The following PTPRD variants were observed in gnomAD, a reference collection of about 807,000 sequenced individuals.
The protein encoded by PTPRD is protein tyrosine phosphatase receptor type D.
PTPRD carries 34 observed loss-of-function variants against 214.5 expected under a neutral mutation model. That is an observed-to-expected ratio of 0.16 (90% CI 0.12 to 0.21). The LOEUF is 0.21. Among genes scored for constraint, PTPRD ranks in the 10% least tolerant of loss-of-function variants. The pLI is 1.00. For missense variants in PTPRD, 2,545 were observed against 2,398.7 expected (o/e 1.06, Z -1.27); for synonymous variants, 1,128 against 845.7 (o/e 1.33, Z -5.79).
Position 8,449,822 on chromosome 9 carries a change from G to T in PTPRD, c.3891C>A (p.Ser1297=). 1 of 1,613,726 alleles carries T rather than the reference G, an allele frequency of 6.2e-7. No individual in the cohort carries two copies. Among genetic ancestry groups the T allele is most frequent in the Non-Finnish European group, 8.5e-7 (1 of 1,179,838 alleles). The part of the protein sequence containing the change: ...ILLYKRKRAE[S]DSRKSSIPNN... Reference sequence around the variant, plus strand: ...TCGGTATGCTGCTTTTTCTAGAGTCGGACTCTGCCCTCTTCCTATAGGGGG... The same window carrying T: ...TCGGTATGCTGCTTTTTCTAGAGTCTGACTCTGCCCTCTTCCTATAGGGGG... The change falls in exon 34 of 46, where the codon TCC becomes TCA. Residue 1297 remains serine, a synonymous_variant. Coordinates refer to ENST00000381196, the MANE Select transcript of PTPRD (RefSeq NM_002839.4).
intron 3 of PTPRD, among the ~76,000 whole-genome samples, chr9:10,216,727 A>C (rs1215282055): frequency 6.6e-6 from 1 of 152,070 alleles, no homozygotes; most frequent in East Asian, 1.9e-4. Context: ...TTGGAAGTAT[A>C]CGGAATAAAT....
chr9:8,601,101 G>T (rs1278123683), intron 14 of PTPRD, among the ~76,000 whole-genome samples: 2 of 152,118 alleles, frequency 1.3e-5, no homozygotes, highest in Non-Finnish European at 2.9e-5. Flanking sequence ...ACTGGCAGGA[G>T]CTTGGCAGTA....
intron 9 of PTPRD, among the ~76,000 whole-genome samples, chr9:9,358,609 G>T (rs1200258312): frequency 6.6e-6 from 1 of 151,154 alleles, no homozygotes. Context: ...AGTCATAAAA[G>T]AACTGATTGG....
intron 3 of PTPRD, among the ~76,000 whole-genome samples, chr9:10,316,693 C>T (rs1242502837): frequency 1.3e-5 from 2 of 151,868 alleles, no homozygotes; most frequent in African/African-American, 4.8e-5. Context: ...CATATCCATA[C>T]ATTTTTCCAC....
At chr9:10,057,141 T>C (rs1021720944) in intron 3 of PTPRD, among the ~76,000 whole-genome samples, 2 of 152,286 alleles carry the variant, frequency 1.3e-5, no homozygotes, top group East Asian at 3.9e-4. Flanking sequence ...GGATTTAATT[T>C]ATCATTTCTG....
chr9:8,842,574 G>C (rs1566541090), intron 11 of PTPRD, among the ~76,000 whole-genome samples: 1 of 152,078 alleles, frequency 6.6e-6, no homozygotes, highest in Non-Finnish European at 1.5e-5. Flanking sequence ...GGAGACTGTG[G>C]AGAGGTAGGG....
rs557683547 is a variant in PTPRD, at chr9:8,474,305, T to A, written c.3414-3220A>T. Among the ~76,000 whole-genome samples, 155 of 152,240 alleles carry A rather than the reference T, an allele frequency of 1.0e-3. 2 individuals are homozygous for A. The highest frequency in any genetic ancestry group is 3.5e-3 in the African/African-American group (145 of 41,542). ...GCATCTCCTTTCTCTCAGGGAAGAT[T>A]CTTTTGCGGGGTTCATGGCCTTCTT... On this transcript the variant is annotated intron_variant, in intron 30 of 45. Transcript: ENST00000381196.
At chr9:9,413,359 C>G (rs2076099074) in intron 8 of PTPRD, among the ~76,000 whole-genome samples, 1 of 151,448 alleles carries the variant, frequency 6.6e-6, no homozygotes. Context: ...CATGATCCAC[C>G]CGCCTCGGCC....
At chr9:8,385,085 G>C (rs1356309431) in intron 37 of PTPRD, among the ~76,000 whole-genome samples, 1 of 152,192 alleles carries the variant, frequency 6.6e-6, no homozygotes, top group Non-Finnish European at 1.5e-5. Flanking sequence ...CAAACACTAA[G>C]AATGATCAGT....
At chr9:8,936,539 C>G (rs1216444708) in intron 11 of PTPRD, among the ~76,000 whole-genome samples, 1 of 150,244 alleles carries the variant, frequency 6.7e-6, no homozygotes, top group Non-Finnish European at 1.5e-5. Context: ...TATGCAGCAA[C>G]TATAATTGGT....
At chr9:8,449,614 G>A (rs2095859218) in intron 34 of PTPRD, 111 bp downstream of exon 34, 1 of 988,544 alleles carries the variant, frequency 1.0e-6, no homozygotes. Context: ...TAAAAGAGCA[G>A]GATGAACAAA....
chr9:10,003,504 A>C (rs2096387015), intron 4 of PTPRD, among the ~76,000 whole-genome samples: 1 of 151,814 alleles, frequency 6.6e-6, no homozygotes, highest in Non-Finnish European at 1.5e-5. Flanking sequence ...ATTAGATTAA[A>C]AAGGGCCGAG....
At chr9:10,248,062 A>G (rs2092364827) in intron 3 of PTPRD, among the ~76,000 whole-genome samples, 1 of 152,058 alleles carries the variant, frequency 6.6e-6, no homozygotes, top group South Asian at 2.1e-4. Flanking sequence ...TGCCATGTGA[A>G]ATGTGCCTTT....
chr9:8,929,764 T>A (rs1314802433), intron 11 of PTPRD, among the ~76,000 whole-genome samples: 1 of 62,640 alleles, frequency 1.6e-5, no homozygotes, highest in East Asian at 1.3e-3. Context: ...TATGTATATA[T>A]ATGTGTATAT....
intron 12 of PTPRD, among the ~76,000 whole-genome samples, chr9:8,664,794 T>C (rs1224157435): frequency 6.6e-6 from 1 of 152,240 alleles, no homozygotes; most frequent in Non-Finnish European, 1.5e-5. Flanking sequence ...AAATAAATTT[T>C]TCAGTTTTTC....
chr9:9,996,825 G>C (rs543586882), intron 4 of PTPRD, among the ~76,000 whole-genome samples: 18 of 152,176 alleles, frequency 1.2e-4, no homozygotes, highest in Middle Eastern at 6.8e-3. Flanking sequence ...ATATTAAGAA[G>C]AACAACAAGA....
intron 2 of PTPRD, among the ~76,000 whole-genome samples, chr9:10,355,615 A>T (rs2097262711): frequency 6.6e-6 from 1 of 151,414 alleles, no homozygotes; most frequent in African/African-American, 2.4e-5. Context: ...AGTAGCTGGG[A>T]TTACAGGCAT....
At chr9:8,725,754 A>T (rs916837119) in intron 12 of PTPRD, among the ~76,000 whole-genome samples, 1 of 152,192 alleles carries the variant, frequency 6.6e-6, no homozygotes, top group Non-Finnish European at 1.5e-5. Flanking sequence ...CAGATGAGAG[A>T]CACATAGAGA....
At chr9:10,125,819 A>G (rs1285313158) in intron 3 of PTPRD, among the ~76,000 whole-genome samples, 1 of 152,132 alleles carries the variant, frequency 6.6e-6, no homozygotes, top group Admixed American at 6.6e-5. Flanking sequence ...TATAAGTTAG[A>G]AACAGGAAAA....
Sources: gnomAD v4.1 joint callset for allele counts (sites outside exome capture counted in the v4.1 genomes callset) on GRCh38, gnomAD v4.1.1 for gene constraint, MANE v1.5 for transcripts, NCBI Gene and HGNC (gene_info 2026-07-23, HGNC 2026-07-21) for gene names.